TMEM232: variants seen among roughly 807,000 people sequenced by gnomAD.
TMEM232 encodes the protein transmembrane protein 232.
A neutral mutation model predicts 78.8 loss-of-function variants in TMEM232; 80 were observed. The observed-to-expected ratio is 1.01, with a 90% CI of 0.85 to 1.22. TMEM232 has a LOEUF of 1.22. Ranked by LOEUF, TMEM232 falls within the 50% of genes most tolerant of loss-of-function variation. The pLI is 0.00. For missense variants in TMEM232, 881 were observed against 742.2 expected (o/e 1.19, Z -2.17); for synonymous variants, 297 against 254.3 (o/e 1.17, Z -1.60).
chr5:110,471,602 T>C (rs1283041440), intron 12 of TMEM232, among the ~76,000 whole-genome samples: 1 of 150,790 alleles, frequency 6.6e-6, no homozygotes, highest in Non-Finnish European at 1.5e-5. Flanking sequence ...GGATGACATA[T>C]TCCAAGTGCT....
At chr5:110,656,500 CAAT>C (rs896799370) in intron 2 of TMEM232, among the ~76,000 whole-genome samples, 1 of 152,036 alleles carries the variant, frequency 6.6e-6, no homozygotes, top group African/African-American at 2.4e-5. Context: ...AAGATAAAGA[CAAT>C]GATAGAAAAT....
Position 110,701,570 on chromosome 5 carries a change from A to G in TMEM232, c.-13+25057T>C, listed in dbSNP as rs148605760. On this transcript the variant is annotated intron_variant, in intron 1 of 13. Transcript: ENST00000455884. ...GCTCTCATACTCTTTTGTCCAATATACTTGTAAGCAATTAATATTTTACTG... is the reference window on the plus strand; with the variant it reads ...GCTCTCATACTCTTTTGTCCAATATGCTTGTAAGCAATTAATATTTTACTG... Among the ~76,000 whole-genome samples the G allele has an allele frequency of 7.2e-5, 11 of 152,126 alleles. No individual in the cohort carries two copies. In the East Asian group the frequency reaches 1.9e-3, roughly 27 times the overall value.
intron 12 of TMEM232, among the ~76,000 whole-genome samples, chr5:110,429,459 C>G (rs919990173): frequency 6.6e-6 from 1 of 151,736 alleles, no homozygotes; most frequent in South Asian, 2.1e-4. Flanking sequence ...TGAAGACATA[C>G]TGGTAAAAAG....
intron 11 of TMEM232, among the ~76,000 whole-genome samples, chr5:110,534,320 T>A (rs1252993299): frequency 6.6e-6 from 1 of 152,202 alleles, no homozygotes; most frequent in Non-Finnish European, 1.5e-5. Context: ...CTTACAGTCC[T>A]CAGTCTTCAA....
chr5:110,662,231 T>C (rs531480765), intron 2 of TMEM232, among the ~76,000 whole-genome samples: 3 of 152,258 alleles, frequency 2.0e-5, no homozygotes, highest in South Asian at 4.1e-4. Flanking sequence ...ATATAATTTA[T>C]AAATGGCATG....
Position 110,625,331 on chromosome 5 carries a change from C to G in TMEM232, c.704G>C (p.Arg235Pro), listed in dbSNP as rs61730863. 1 of 1,546,598 alleles carries G rather than the reference C, an allele frequency of 6.5e-7. No individual in the cohort carries two copies. The highest frequency in any genetic ancestry group is 8.7e-7 in the Non-Finnish European group (1 of 1,144,336). Reference protein sequence around the residue: ...ASEIIGKRELRSESIFRPVED... With the variant: ...ASEIIGKRELPSESIFRPVED... ...CACAGGTCTAAAAATGGATTCAGAA[C>G]GGAGTTCTCTTTTACCTATAATTTC... The change falls in exon 7 of 14, where the codon CGT becomes CCT. Residue 235 changes from arginine to proline, a missense_variant. Transcript: ENST00000455884.
intron 2 of TMEM232, among the ~76,000 whole-genome samples, chr5:110,655,841 A>G (rs1420300169): frequency 6.9e-6 from 1 of 144,120 alleles, no homozygotes; most frequent in African/African-American, 2.6e-5. Context: ...TCACTCATAG[A>G]TGGGAATGGA....
At chr5:110,425,538 T>C (rs1351359458) in intron 12 of TMEM232, among the ~76,000 whole-genome samples, 2 of 152,072 alleles carry the variant, frequency 1.3e-5, no homozygotes, top group Non-Finnish European at 2.9e-5. Flanking sequence ...GAAATTTCCA[T>C]ATTCAAAAAA....
At chr5:110,484,889 C>T (rs570296954) in intron 12 of TMEM232, among the ~76,000 whole-genome samples, 10 of 152,096 alleles carry the variant, frequency 6.6e-5, no homozygotes, top group Admixed American at 5.2e-4. Flanking sequence ...GTCAAGACCT[C>T]AACACCCTAC....
intron 5 of TMEM232, among the ~76,000 whole-genome samples, chr5:110,632,834 T>C (rs1166840249): frequency 6.6e-6 from 1 of 152,172 alleles, no homozygotes; most frequent in African/African-American, 2.4e-5. Flanking sequence ...CAAAAACTTA[T>C]TTAACAAAAT....
At chr5:110,540,571 A>G (rs1037699433) in intron 11 of TMEM232, among the ~76,000 whole-genome samples, 1 of 152,194 alleles carries the variant, frequency 6.6e-6, no homozygotes, top group African/African-American at 2.4e-5. Flanking sequence ...CCTAATTTAA[A>G]AGACCAACTT....
Position 110,607,810 on chromosome 5 carries a change from C to T in TMEM232, c.903-1523G>A, listed in dbSNP as rs368673465. Among the ~76,000 whole-genome samples the T allele has an allele frequency of 2.2e-4, 34 of 151,852 alleles. No homozygotes were observed. In the South Asian group the frequency reaches 6.0e-3, roughly 27 times the overall value. On this transcript the variant is annotated intron_variant, in intron 8 of 13. Transcript: ENST00000455884. ...TAACAGGTGTTATTTTTCTCCTTTG[C>T]GCATCCTCTTCCTCCTGCTTGTAAT...
intron 13 of TMEM232, 59 bp downstream of exon 13, chr5:110,424,764 T>C (rs771729189): frequency 4.7e-5 from 61 of 1,309,818 alleles, no homozygotes; most frequent in Admixed American, 8.9e-5. Flanking sequence ...CATTTTATCA[T>C]TTAAAGTGCT....
At chr5:110,475,082 T>C (rs79074792) in intron 12 of TMEM232, among the ~76,000 whole-genome samples, 5,955 of 152,036 alleles carry the variant, frequency 0.039, 170 homozygotes, top group Non-Finnish European at 0.056. Context: ...CCAAATATTT[T>C]ATTAAGATTC....
At chr5:110,401,154 C>T (rs1273262130) in intron 2 of TMEM232, among the ~76,000 whole-genome samples, 1 of 151,916 alleles carries the variant, frequency 6.6e-6, no homozygotes, top group Non-Finnish European at 1.5e-5. Context: ...TGGATCTGAA[C>T]AGTAATGTCA....
intron 1 of TMEM232, among the ~76,000 whole-genome samples, chr5:110,671,892 A>C (rs1423966126): frequency 6.6e-6 from 1 of 152,202 alleles, no homozygotes; most frequent in Non-Finnish European, 1.5e-5. Flanking sequence ...CTTAAAATAT[A>C]ATTTTAAAAA....
In TMEM232 at chr5:110,604,991, T is replaced by C. The variant is rs115258835; in HGVS notation, c.1276+118A>G. The C allele has an allele frequency of 8.2e-3, 10,027 of 1,225,166 alleles. 73 individuals are homozygous for C. The highest frequency in any genetic ancestry group is 8.8e-3 in the Non-Finnish European group (7,968 of 903,346). 75.9% of individuals were successfully genotyped at this position (1,225,166 alleles called of 1,614,324 possible). A position where few individuals can be genotyped will look rare whatever the true frequency, so the allele number is the denominator to read the frequency against. ...TCATGCTATATTCTTCCAAAATTTG[T>C]AAAATTTAAAATTAGTTGCTATTTC... On this transcript the variant is annotated intron_variant, in intron 10 of 13. Coordinates refer to ENST00000455884, the MANE Select transcript of TMEM232 (RefSeq NM_001039763.4).
chr5:110,710,221 T>C (rs900345429), intron 1 of TMEM232, among the ~76,000 whole-genome samples: 1 of 152,218 alleles, frequency 6.6e-6, no homozygotes, highest in East Asian at 1.9e-4. Context: ...AAGAAATTCT[T>C]AATCTGAACA....
chr5:110,614,915 A>G (rs1448875264), intron 8 of TMEM232, among the ~76,000 whole-genome samples: 2 of 152,020 alleles, frequency 1.3e-5, no homozygotes, highest in Admixed American at 1.3e-4. Context: ...ATTAAAATAT[A>G]CTAAGTAAAA....
Sources: allele counts gnomAD v4.1 joint callset (sites outside exome capture counted in the v4.1 genomes callset), GRCh38; gene constraint gnomAD v4.1.1; transcripts MANE v1.5; gene names NCBI Gene and HGNC (gene_info 2026-07-23, HGNC 2026-07-21).